Variants in CMTM8 observed in about 807,000 individuals in gnomAD.
CMTM8 encodes the protein CKLF like MARVEL transmembrane domain containing 8.
A neutral mutation model predicts 18.6 loss-of-function variants in CMTM8; 12 were observed. The ratio of observed to expected loss-of-function variants is 0.65; its 90% CI spans 0.41 to 1.05. The LOEUF is 1.05. CMTM8 is among the 50% of genes least tolerant of loss of function. CMTM8 has a pLI of 0.00. For missense variants in CMTM8, 217 were observed against 227.2 expected, an observed-to-expected ratio of 0.95 and a Z score of 0.29; for synonymous variants, 87 against 90.6, an observed-to-expected ratio of 0.96 and a Z score of 0.23.
intron 1 of CMTM8, among the ~76,000 whole-genome samples, chr3:32,285,281 G>A (rs761767403): frequency 7.2e-5 from 11 of 152,268 alleles, no homozygotes; most frequent in Non-Finnish European, 1.3e-4. Flanking sequence ...TTGGGAGGCC[G>A]AGGCGGATGG....
chr3:32,287,251 A>G (rs890177747), intron 1 of CMTM8, among the ~76,000 whole-genome samples: 1 of 152,204 alleles, frequency 6.6e-6, no homozygotes, highest in Non-Finnish European at 1.5e-5. Flanking sequence ...AAGATCATCT[A>G]CATTCTTTCA....
intron 1 of CMTM8, among the ~76,000 whole-genome samples, chr3:32,281,450 A>G (rs1397295027): frequency 1.3e-5 from 2 of 152,256 alleles, no homozygotes; most frequent in East Asian, 1.9e-4. Context: ...AAGTACATAT[A>G]TACATGTAGT....
At chr3:32,353,536 C>T (rs906862389) in intron 1 of CMTM8, among the ~76,000 whole-genome samples, 5 of 152,068 alleles carry the variant, frequency 3.3e-5, no homozygotes, top group Non-Finnish European at 4.4e-5. Context: ...GGCAGAGATG[C>T]ATGTGTAGTA....
intron 1 of CMTM8, among the ~76,000 whole-genome samples, chr3:32,313,704 A>T (rs1053980599): frequency 6.6e-6 from 1 of 152,184 alleles, no homozygotes; most frequent in African/African-American, 2.4e-5. Context: ...GTGCTCTGGA[A>T]TCCGTGTTTA....
At chr3:32,312,200 A>G (rs891568662) in intron 1 of CMTM8, among the ~76,000 whole-genome samples, 4 of 152,208 alleles carry the variant, frequency 2.6e-5, no homozygotes, top group African/African-American at 9.7e-5. Flanking sequence ...ACTTAGTTCA[A>G]GGGCAGAGGG....
chr3:32,361,807 T>C (rs1696937257), intron 2 of CMTM8, among the ~76,000 whole-genome samples: 1 of 152,184 alleles, frequency 6.6e-6, no homozygotes, highest in Non-Finnish European at 1.5e-5. Flanking sequence ...ACTGTTATGA[T>C]ACCATTTATT....
intron 1 of CMTM8, among the ~76,000 whole-genome samples, chr3:32,342,796 T>A (rs1696524453): frequency 6.6e-6 from 1 of 152,216 alleles, no homozygotes. Context: ...ACCCTGGCAA[T>A]AATATTAGCA....
intron 1 of CMTM8, among the ~76,000 whole-genome samples, chr3:32,331,342 TTGGGACCTTTGTGCCTTGCACA>T (rs1696269756): frequency 2.0e-5 from 3 of 152,072 alleles, no homozygotes; most frequent in Admixed American, 1.3e-4. Flanking sequence ...TGTGGTGAAA[TTGGGACCTTTGTGCCTTGCACA>T]TGGGAATGTA....
At chr3:32,318,640 C>T (rs971244492) in intron 1 of CMTM8, among the ~76,000 whole-genome samples, 12 of 148,790 alleles carry the variant, frequency 8.1e-5, no homozygotes, top group African/African-American at 2.7e-4. Context: ...GATCTTGGCT[C>T]ACTGTAAGCT....
chr3:32,306,622 A>G (rs963316594), intron 1 of CMTM8, among the ~76,000 whole-genome samples: 1 of 152,222 alleles, frequency 6.6e-6, no homozygotes, highest in Non-Finnish European at 1.5e-5. Context: ...TTTGGAAGCT[A>G]TATTCTCAGG....
chr3:32,289,657 G>A (rs1702745943), intron 1 of CMTM8, among the ~76,000 whole-genome samples: 1 of 152,204 alleles, frequency 6.6e-6, no homozygotes, highest in Non-Finnish European at 1.5e-5. Context: ...TGAAATAGAT[G>A]CATAGAAAAT....
chr3:32,276,741 T>C (rs1176034860), intron 1 of CMTM8, among the ~76,000 whole-genome samples: 1 of 152,206 alleles, frequency 6.6e-6, no homozygotes, highest in Non-Finnish European at 1.5e-5. Flanking sequence ...TCTTCCTTTA[T>C]GCCACCTCCC....
chr3:32,305,332 G>A (rs1174418514), intron 1 of CMTM8, among the ~76,000 whole-genome samples: 1 of 150,158 alleles, frequency 6.7e-6, no homozygotes, highest in Non-Finnish European at 1.5e-5. Context: ...CCGGGTTCAC[G>A]CCATTCTCCT....
At chr3:32,254,863 C>A (rs1194208785) in intron 1 of CMTM8, among the ~76,000 whole-genome samples, 2 of 152,122 alleles carry the variant, frequency 1.3e-5, no homozygotes, top group Non-Finnish European at 2.9e-5. Context: ...ATTTTCATTA[C>A]CCTAAAAAGA....
chr3:32,244,293 A>G (rs560730143), intron 1 of CMTM8, among the ~76,000 whole-genome samples: 199 of 152,280 alleles, frequency 1.3e-3, no homozygotes, highest in Admixed American at 3.1e-3. Flanking sequence ...GGGCTCGAAC[A>G]GTCCTCCCGC....
chr3:32,254,932 C>T (rs1358866046), intron 1 of CMTM8, among the ~76,000 whole-genome samples: 2 of 152,172 alleles, frequency 1.3e-5, no homozygotes, highest in East Asian at 3.9e-4. Context: ...CTCCACCATC[C>T]CTAGTCAGCT....
intron 1 of CMTM8, among the ~76,000 whole-genome samples, chr3:32,305,170 G>A (rs544798726): frequency 1.3e-5 from 2 of 151,622 alleles, no homozygotes; most frequent in Non-Finnish European, 2.9e-5. Context: ...AGCGGCTAAG[G>A]CAGTGGTTCT....
intron 1 of CMTM8, among the ~76,000 whole-genome samples, chr3:32,266,175 C>G (rs1702341729): frequency 6.6e-6 from 1 of 152,194 alleles, no homozygotes; most frequent in African/African-American, 2.4e-5. Flanking sequence ...AGACCAATAT[C>G]CCTGATGAAT....
chr3:32,350,686 A>G (rs1013134265), intron 1 of CMTM8, among the ~76,000 whole-genome samples: 1 of 152,068 alleles, frequency 6.6e-6, no homozygotes, highest in Admixed American at 6.6e-5. Flanking sequence ...CACCATGCCC[A>G]GGTAATTTTT....
Sources: gnomAD v4.1 joint callset for allele counts (sites outside exome capture counted in the v4.1 genomes callset) on GRCh38, gnomAD v4.1.1 for gene constraint, MANE v1.5 for transcripts, NCBI Gene and HGNC (gene_info 2026-07-23, HGNC 2026-07-21) for gene names.